Variants in MPP4 observed in about 807,000 individuals in gnomAD.
MPP4 encodes MAGUK p55 scaffold protein 4, also known as MAGUK p55 subfamily member 4.
MPP4 carries 91 observed loss-of-function variants against 98.3 expected under a neutral mutation model. That is an observed-to-expected ratio of 0.93 (90% CI 0.78 to 1.10). The LOEUF is 1.10. MPP4 is among the 50% of genes least tolerant of loss of function. The pLI is 0.00. For missense variants in MPP4, 744 were observed against 792.9 expected, an observed-to-expected ratio of 0.94 and a Z score of 0.74; for synonymous variants, 261 against 271.8, an observed-to-expected ratio of 0.96 and a Z score of 0.39.
intron 8 of MPP4, among the ~76,000 whole-genome samples, chr2:201,681,850 C>A (rs145002028): frequency 1.6e-3 from 239 of 147,168 alleles, no homozygotes; most frequent in African/African-American, 5.3e-3. Flanking sequence ...GAAACAGAAA[C>A]ACCCCACCAG....
chr2:201,654,816 T>C, intron 18 of MPP4, 21 bp downstream of exon 18: 2 of 1,567,898 alleles, frequency 1.3e-6, no homozygotes, highest in Non-Finnish European at 8.7e-7. Context: ...CAAACCATTA[T>C]GAAAGCAGAA....
Position 201,647,301 on chromosome 2 carries a change from A to G in MPP4, c.1719+390T>C, listed in dbSNP as rs564233024. ...CAAACACCAGGCTCATACATGCCCA[A>G]TTTCTGTTTGGCTTTGCAAACTACG... On this transcript the variant is annotated intron_variant, in intron 21 of 21. Transcript: ENST00000409474. Among the ~76,000 whole-genome samples the G allele has an allele frequency of 5.1e-4, 78 of 152,228 alleles. 1 individual carries two copies. Among genetic ancestry groups the G allele is most frequent in the African/African-American group, 1.8e-3 (76 of 41,532 alleles).
chr2:201,690,212 A>G lies in MPP4; in HGVS notation c.269T>C (p.Leu90Ser). 1 of 1,607,320 alleles carries G rather than the reference A, an allele frequency of 6.2e-7. No homozygotes were observed. The highest frequency in any genetic ancestry group is 8.5e-7 in the Non-Finnish European group (1 of 1,176,174). The change falls in exon 4 of 22, where the codon TTA (leucine) becomes TCA (serine). Residue 90 changes from leucine (L) to serine (S), a missense_variant. Leu to Ser is a moderately radical substitution (Grantham distance 145). Coordinates refer to ENST00000409474, the MANE Select transcript of MPP4 (RefSeq NM_033066.3). ...ATAAAATCTCCTTACCTCATAGGAT[A>G]ACACCTGTGCATGTGGTGTGGCAGG... ...LVPATPHAQV[L>S]SYEVVELLRE...
At chr2:201,672,726 C>G (rs1158650779) in intron 11 of MPP4, among the ~76,000 whole-genome samples, 3 of 151,940 alleles carry the variant, frequency 2.0e-5, no homozygotes, top group East Asian at 3.9e-4. Context: ...CTGAATAGAC[C>G]AATAACAAGT....
chr2:201,687,393 A>C (rs746830407), intron 4 of MPP4, 22 bp from the exon 5 acceptor site: 1 of 1,544,676 alleles, frequency 6.5e-7, no homozygotes, highest in East Asian at 2.4e-5. Flanking sequence ...AAAAGGATAC[A>C]TTATAAAAAT....
At chr2:201,663,504 C>T (rs936628635) in intron 14 of MPP4, among the ~76,000 whole-genome samples, 2 of 152,064 alleles carry the variant, frequency 1.3e-5, no homozygotes, top group African/African-American at 4.8e-5. Flanking sequence ...CCACTCGAGG[C>T]CTGGAGTTGG....
chr2:201,686,609 G>A (rs777145548), intron 5 of MPP4, among the ~76,000 whole-genome samples: 2 of 152,128 alleles, frequency 1.3e-5, no homozygotes, highest in East Asian at 1.9e-4. Flanking sequence ...TTCATTTCAC[G>A]GGCTGGAGAA....
chr2:201,650,420 T>G (rs925657538), intron 18 of MPP4: 1 of 985,430 alleles, frequency 1.0e-6, no homozygotes. Flanking sequence ...AAGAAAGACC[T>G]AAGGGAACAC....
chr2:201,681,504 G>T lies in MPP4; in HGVS notation c.724C>A (p.Gln242Lys), dbSNP rs1688664813. 1 of 1,613,276 alleles carries T rather than the reference G, an allele frequency of 6.2e-7. No homozygotes were observed. Among genetic ancestry groups the T allele is most frequent in the African/African-American group, 1.3e-5 (1 of 74,990 alleles). The change falls in exon 9 of 22, where the codon CAG (glutamine) becomes AAG (lysine). Residue 242 changes from glutamine to lysine, a missense_variant. Gln to Lys is a moderately conservative substitution (Grantham distance 53, BLOSUM62 1). Transcript: ENST00000409474. ...GCTCAGTAAATTCTTACCATCTGCTGGCTATTCACAGGAGGGTCAGAGACT... is the reference window on the plus strand; with the variant it reads ...GCTCAGTAAATTCTTACCATCTGCTTGCTATTCACAGGAGGGTCAGAGACT... ...VPVSDPPVNS[Q>K]QMVYVRAMTE...
At chr2:201,692,874 G>T in intron 3 of MPP4, 34 bp downstream of exon 3, 1 of 1,597,720 alleles carries the variant, frequency 6.3e-7, no homozygotes, top group Admixed American at 1.7e-5. Context: ...AACCCCTTCA[G>T]CAAGCAAAGG....
intron 1 of MPP4, chr2:201,697,856 A>C: frequency 1.1e-6 from 1 of 892,012 alleles, no homozygotes; most frequent in Non-Finnish European, 1.3e-6. Context: ...CATGTAGTAA[A>C]ATCGAGTTTT....
At chr2:201,646,767 C>G (rs1255908613) in intron 21 of MPP4, 1 of 152,210 alleles carries the variant, frequency 6.6e-6, no homozygotes. Context: ...CAGAGATTAG[C>G]ATGGCCCTTG....
At chr2:201,660,555 A>G (rs1687997030) in intron 14 of MPP4, among the ~76,000 whole-genome samples, 1 of 152,194 alleles carries the variant, frequency 6.6e-6, no homozygotes, top group Admixed American at 6.5e-5. Context: ...TGCTTGGGAC[A>G]GTAACTTTTT....
intron 11 of MPP4, among the ~76,000 whole-genome samples, chr2:201,670,228 A>G (rs1688302094): frequency 6.6e-6 from 1 of 152,212 alleles, no homozygotes; most frequent in Non-Finnish European, 1.5e-5. Context: ...ATAACATTTC[A>G]TTAATAAAAT....
At chr2:201,670,498 G>A (rs115326982) in intron 11 of MPP4, among the ~76,000 whole-genome samples, 1,657 of 152,144 alleles carry the variant, frequency 0.011, 29 homozygotes, top group African/African-American at 0.037. Context: ...GATAATAATA[G>A]AATATTGAAA....
chr2:201,680,824 G>A lies in MPP4; in HGVS notation c.929+14C>T, dbSNP rs759626169. 1 of 1,601,322 alleles carries A rather than the reference G, an allele frequency of 6.2e-7. No individual in the cohort carries two copies. The highest frequency in any genetic ancestry group is 1.3e-5 in the African/African-American group (1 of 74,718). On this transcript the variant is annotated intron_variant, in intron 10 of 21. Coordinates refer to ENST00000409474, the MANE Select transcript of MPP4 (RefSeq NM_033066.3). ...TGGTTCAGCCCTGAGTCCAGGAGTG[G>A]TGACGTTCCTTACCTCTTCAGAAGG...
In MPP4 at chr2:201,697,871, T is replaced by C. The variant is rs541943195; in HGVS notation, c.-101+716A>G. 5.1e-6 allele frequency: 5 copies of C among 974,188 alleles called. No homozygotes were observed. In the South Asian group the frequency reaches 2.4e-4, roughly 46 times the overall value. The allele number at this position is 974,188 out of a possible 1,614,324, so 60.3% of individuals were successfully genotyped here. A position where few individuals can be genotyped will look rare whatever the true frequency, so the allele number is the denominator to read the frequency against. Reference sequence around the variant, plus strand: ...CATGTAGTAAAATCGAGTTTTCCTCTTTTGTTTCCTTAGTCCTGAAAGATG... The same window carrying C: ...CATGTAGTAAAATCGAGTTTTCCTCCTTTGTTTCCTTAGTCCTGAAAGATG... On this transcript the variant is annotated intron_variant, in intron 1 of 21. Transcript: ENST00000409474.
At position 201,662,556 on chromosome 2, in the gene MPP4, A is replaced by G. The variant is rs569992597; in HGVS notation, c.1072+1525T>C. On this transcript the variant is annotated intron_variant, in intron 14 of 21. Coordinates refer to ENST00000409474, the MANE Select transcript of MPP4 (RefSeq NM_033066.3). ...CAAAATATAAATCCTTGGGCATAAC[A>G]TATTTGGAAGACCTAAGAAACTACT... 2.1e-4 allele frequency among the ~76,000 whole-genome samples: 31 copies of G among 151,208 alleles called. No individual in the cohort carries two copies. In the East Asian group the frequency reaches 2.5e-3, roughly 12 times the overall value.
rs547493023 is a variant in MPP4, at chr2:201,675,210, G to A, written c.991C>T (p.Leu331=). The A allele has an allele frequency of 6.2e-7, 1 of 1,607,368 alleles. No homozygotes were observed. The highest frequency in any genetic ancestry group is 1.1e-5 in the South Asian group (1 of 89,066). ...YQPHTCLKST[L]SISMEEEDDM... ...GTCGGGCAGTTGCAATACTCACATA[G>A]GGTTGACTTGAGGCAGGTGTGAGGC... Residue 331 remains leucine, a synonymous_variant, in exon 11 of 22, where the codon CTA becomes TTA. Coordinates refer to ENST00000409474, the MANE Select transcript of MPP4 (RefSeq NM_033066.3).
Sources: gnomAD v4.1 joint callset for allele counts (sites outside exome capture counted in the v4.1 genomes callset) on GRCh38, gnomAD v4.1.1 for gene constraint, MANE v1.5 for transcripts, NCBI Gene and HGNC (gene_info 2026-07-23, HGNC 2026-07-21) for gene names.